MAST2: variants seen among roughly 807,000 people sequenced by gnomAD.
The protein encoded by MAST2 is microtubule associated serine/threonine kinase 2, also known as microtubule-associated serine/threonine-protein kinase 2.
A neutral mutation model predicts 147.4 loss-of-function variants in MAST2; 70 were observed. That is an observed-to-expected ratio of 0.47 (90% confidence interval 0.39 to 0.58). The LOEUF is 0.58. Among genes scored for constraint, MAST2 ranks in the 20% least tolerant of loss-of-function variants. The probability of loss-of-function intolerance (pLI) is 0.00; values close to 1 mark genes in which losing one functional copy is unlikely to be tolerated. For missense variants in MAST2, 2,080 were observed against 2,302.3 expected, an observed-to-expected ratio of 0.90 and a Z score of 1.98; for synonymous variants, 869 against 896.8, an observed-to-expected ratio of 0.97 and a Z score of 0.55.
intron 1 of MAST2, among the ~76,000 whole-genome samples, chr1:45,823,664 A>T (rs1034964238): frequency 1.3e-5 from 2 of 152,076 alleles, no homozygotes; most frequent in Non-Finnish European, 2.9e-5. Context: ...TTGTCTCTGT[A>T]CTGTCTAGAT....
At chr1:45,836,773 TCAC>T (rs1255745572) in intron 3 of MAST2, among the ~76,000 whole-genome samples, 3 of 152,204 alleles carry the variant, frequency 2.0e-5, no homozygotes, top group Admixed American at 6.5e-5. Flanking sequence ...TACAGTTGTG[TCAC>T]CACCACCACA....
In MAST2 at chr1:45,906,406, G is replaced by A. The variant is rs867858756; in HGVS notation, c.500+24011G>A. On this transcript the variant is annotated intron_variant, in intron 4 of 28. Transcript: ENST00000361297. ...ATTTAAAATTTAAAAATAAAAAACA[G>A]CCTATAGCCTGCAGATGTAGAGAAC... is the stretch of plus-strand genomic sequence containing the variant. Among the ~76,000 whole-genome samples, 47 of 151,786 alleles carry A rather than the reference G, an allele frequency of 3.1e-4. 1 individual carries two copies. In the Middle Eastern group the frequency reaches 0.034, roughly 111 times the overall value.
At chr1:45,916,037 C>A (rs1161589944) in intron 4 of MAST2, among the ~76,000 whole-genome samples, 1 of 152,134 alleles carries the variant, frequency 6.6e-6, no homozygotes, top group African/African-American at 2.4e-5. Flanking sequence ...GTGGGCATAA[C>A]TGTAATTTTA....
chr1:45,914,594 G>A (rs1652183284), intron 4 of MAST2, among the ~76,000 whole-genome samples: 3 of 152,182 alleles, frequency 2.0e-5, no homozygotes, highest in Admixed American at 1.3e-4. Flanking sequence ...GGCTAAGGGA[G>A]TGTACTTCAG....
chr1:45,870,568 C>T (rs1414167775), intron 3 of MAST2, among the ~76,000 whole-genome samples: 4 of 149,564 alleles, frequency 2.7e-5, no homozygotes, highest in African/African-American at 7.4e-5. Context: ...CTGATTTGTT[C>T]TTCTGTTTCT....
intron 2 of MAST2, among the ~76,000 whole-genome samples, chr1:45,828,604 GA>G (rs1453232138): frequency 3.9e-5 from 6 of 152,200 alleles, no homozygotes; most frequent in Admixed American, 1.3e-4. Flanking sequence ...AAGAAGGGGA[GA>G]AATGAGACCT....
chr1:45,946,382 G>T (rs555347636), intron 4 of MAST2, among the ~76,000 whole-genome samples: 1 of 152,104 alleles, frequency 6.6e-6, no homozygotes, highest in Non-Finnish European at 1.5e-5. Context: ...TTGCTACTAC[G>T]TCACATAAAT....
chr1:45,996,322 T>C (rs1045952740), intron 5 of MAST2, among the ~76,000 whole-genome samples: 1 of 152,082 alleles, frequency 6.6e-6, no homozygotes, highest in African/African-American at 2.4e-5. Flanking sequence ...CTGTGGGTAT[T>C]TGTTAATCTT....
intron 4 of MAST2, among the ~76,000 whole-genome samples, chr1:45,956,074 G>C (rs1372616603): frequency 1.3e-5 from 2 of 152,106 alleles, no homozygotes; most frequent in East Asian, 1.9e-4. Context: ...AGATTAGTTA[G>C]CATTTTCTAT....
At chr1:46,011,519 C>CA (rs1303278234) in intron 10 of MAST2, among the ~76,000 whole-genome samples, 1 of 152,202 alleles carries the variant, frequency 6.6e-6, no homozygotes, top group African/African-American at 2.4e-5. Context: ...AGTTCTTAAG[C>CA]ACTGCTTCCT....
chr1:46,029,349 G>A (rs1283330848), intron 18 of MAST2, 117 bp from the exon 19 acceptor site: 2 of 747,216 alleles, frequency 2.7e-6, no homozygotes, highest in East Asian at 5.3e-5. Context: ...AAGGCTTTCA[G>A]GGGCTCCAGG....
chr1:45,931,665 T>G (rs541800898), intron 4 of MAST2, among the ~76,000 whole-genome samples: 181 of 150,542 alleles, frequency 1.2e-3, no homozygotes, highest in African/African-American at 3.7e-3. Flanking sequence ...AATTTTTGTG[T>G]TTTTTTTTAG....
At chr1:46,008,437 T>G (rs1232582916) in intron 9 of MAST2, 66 bp downstream of exon 9, 12 of 1,001,026 alleles carry the variant, frequency 1.2e-5, no homozygotes, top group Non-Finnish European at 1.9e-5. Flanking sequence ...CCAGCCCCAA[T>G]GGGAGACTCT....
intron 2 of MAST2, among the ~76,000 whole-genome samples, chr1:45,825,267 C>T (rs531455085): frequency 2.6e-5 from 4 of 152,244 alleles, no homozygotes; most frequent in Admixed American, 6.5e-5. Context: ...GCTTGTGATC[C>T]GCCTGCCTCA....
intron 5 of MAST2, among the ~76,000 whole-genome samples, chr1:45,966,514 T>TA (rs1292111254): frequency 6.6e-6 from 1 of 151,958 alleles, no homozygotes; most frequent in South Asian, 2.1e-4. Flanking sequence ...GCAGATCACT[T>TA]AAAGTCAGGA....
Position 46,034,245 on chromosome 1 carries a change from A to AC in MAST2, c.3852dup (p.Asp1285ArgfsTer125), listed in dbSNP as rs764378968. ...ATCTCCCACTCAAGGCTACCGGGTG[A>AC]CCCCCGATGCTGTGCATTCAGGTAC... On this transcript the variant is annotated frameshift_variant, in exon 28 of 29. Coordinates refer to ENST00000361297, the MANE Select transcript of MAST2 (RefSeq NM_015112.3). LOFTEE classifies it low-confidence loss of function (END_TRUNC). 7 of 1,613,450 alleles carry AC rather than the reference A, an allele frequency of 4.3e-6. No homozygotes were observed. Among genetic ancestry groups the AC allele is most frequent in the Non-Finnish European group, 5.9e-6 (7 of 1,179,682 alleles).
intron 4 of MAST2, among the ~76,000 whole-genome samples, chr1:45,887,603 A>G (rs1165585455): frequency 2.6e-5 from 4 of 152,174 alleles, no homozygotes; most frequent in African/African-American, 4.8e-5. Flanking sequence ...CTTTGTTCCT[A>G]TGAAACTGAC....
At chr1:45,856,823 T>C (rs959507654) in intron 3 of MAST2, among the ~76,000 whole-genome samples, 2 of 151,904 alleles carry the variant, frequency 1.3e-5, no homozygotes, top group Admixed American at 1.3e-4. Context: ...TGAATGTATA[T>C]GTCATGAGGG....
chr1:45,893,100 A>T (rs1557875784), intron 4 of MAST2, among the ~76,000 whole-genome samples: 1 of 152,162 alleles, frequency 6.6e-6, no homozygotes, highest in Non-Finnish European at 1.5e-5. Context: ...CTCCAGTCCT[A>T]TACATCTATA....
Sources: allele counts gnomAD v4.1 joint callset (sites outside exome capture counted in the v4.1 genomes callset), GRCh38; gene constraint gnomAD v4.1.1; transcripts MANE v1.5; gene names NCBI Gene and HGNC (gene_info 2026-07-23, HGNC 2026-07-21).